CREB3L2: variants seen among roughly 807,000 people sequenced by gnomAD.
The protein encoded by CREB3L2 is cAMP responsive element binding protein 3 like 2.
CREB3L2 carries 23 observed loss-of-function variants against 57.2 expected under a neutral mutation model. The observed-to-expected ratio is 0.40, with a 90% CI of 0.29 to 0.57. The LOEUF is 0.57. CREB3L2 is among the 20% of genes least tolerant of loss of function. The pLI, the probability that CREB3L2 is intolerant of heterozygous loss-of-function variation, is 0.42. For synonymous variants in CREB3L2, 268 were observed against 265.1 expected, an observed-to-expected ratio of 1.01 and a Z score of -0.11; for missense variants, 628 against 634.7, an observed-to-expected ratio of 0.99 and a Z score of 0.11.
At position 137,951,491 on chromosome 7, in the gene CREB3L2, GGTTA is replaced by G. The variant is rs367771424; in HGVS notation, c.103-23129_103-23126del. On this transcript the variant is annotated intron_variant, in intron 1 of 11. Coordinates refer to ENST00000330387, the MANE Select transcript of CREB3L2 (RefSeq NM_194071.4). Reference sequence around the variant, plus strand: ...TCCTCTATTTCCCTTAGCAGCAAAGGGTTAGTATTTGCTAGTTCAGTGTTCACAG... The same window carrying G: ...TCCTCTATTTCCCTTAGCAGCAAAGGGTATTTGCTAGTTCAGTGTTCACAG... Among the ~76,000 whole-genome samples the G allele has an allele frequency of 1.1e-4, 17 of 152,238 alleles. No individual in the cohort carries two copies. The East Asian group carries it at 2.3e-3, about 21-fold the overall frequency.
At position 137,876,870 on chromosome 7, in the gene CREB3L2, G is replaced by A. The variant is rs1304967077; in HGVS notation, c.*3606C>T. ...TCTCTGCCCTCTCCGTGTTGGCAAG[G>A]TTGGCATGAATGGGCCATTATTCAA... On this transcript the variant is annotated 3_prime_UTR_variant, in exon 12 of 12. Coordinates refer to ENST00000330387, the MANE Select transcript of CREB3L2 (RefSeq NM_194071.4). 4.3e-6 allele frequency: 1 copy of A among 232,116 alleles called. No individual in the cohort carries two copies. Among genetic ancestry groups the A allele is most frequent in the African/African-American group, 2.2e-5 (1 of 45,278 alleles). 14.4% of individuals were successfully genotyped at this position (232,116 alleles called of 1,614,324 possible). A position where few individuals can be genotyped will look rare whatever the true frequency, so the allele number is the denominator to read the frequency against.
At chr7:137,999,956 A>C (rs1273790980) in intron 1 of CREB3L2, 2 of 152,236 alleles carry the variant, frequency 1.3e-5, no homozygotes, top group African/African-American at 2.4e-5. Context: ...AGTGTGCATA[A>C]GGTGTTAGTT....
rs1563262351 is a variant in CREB3L2 at position 137,946,912 on chromosome 7, TTATATATATAGTTA to T, written c.103-18560_103-18547del. Among the ~76,000 whole-genome samples the T allele has an allele frequency of 1.5e-4, 8 of 52,364 alleles. 1 individual carries two copies. In the East Asian group the frequency reaches 6.6e-3, roughly 43 times the overall value. The allele number at this position is 52,364 out of a possible 152,430, so 34.4% of individuals were successfully genotyped here. A position where few individuals can be genotyped will look rare whatever the true frequency, so the allele number is the denominator to read the frequency against. On this transcript the variant is annotated intron_variant, in intron 1 of 11. Coordinates refer to ENST00000330387, the MANE Select transcript of CREB3L2 (RefSeq NM_194071.4). ...GTTATATATATAGTTATATATATAG[TTATATATATAGTTA>T]TATATATAGTTATATATATAGTTAT... is the stretch of plus-strand genomic sequence containing the variant.
intron 1 of CREB3L2, among the ~76,000 whole-genome samples, chr7:137,929,523 C>G (rs1193298715): frequency 2.0e-5 from 3 of 151,982 alleles, no homozygotes. Flanking sequence ...AAAGTCACCC[C>G]TGGTTTAGAA....
chr7:137,886,846 A>G (rs1019627708), intron 8 of CREB3L2, among the ~76,000 whole-genome samples: 2 of 152,144 alleles, frequency 1.3e-5, no homozygotes, highest in Non-Finnish European at 1.5e-5. Flanking sequence ...CAGCACACAG[A>G]GCAGATGGTA....
chr7:137,884,594 T>C (rs1056260492), intron 10 of CREB3L2: 3 of 450,906 alleles, frequency 6.7e-6, no homozygotes, highest in Non-Finnish European at 1.2e-5. Flanking sequence ...CCTTACTATA[T>C]ACATTGCATT....
chr7:137,939,647 G>A (rs1800848910), intron 1 of CREB3L2, among the ~76,000 whole-genome samples: 1 of 152,220 alleles, frequency 6.6e-6, no homozygotes, highest in African/African-American at 2.4e-5. Flanking sequence ...CCATGATCAA[G>A]TCAACCGTTC....
chr7:137,882,560 C>A lies in CREB3L2; in HGVS notation c.1339G>T (p.Ala447Ser). 6.2e-7 allele frequency: 1 copy of A among 1,613,606 alleles called. No individual in the cohort carries two copies. Among genetic ancestry groups the A allele is most frequent in the Non-Finnish European group, 8.5e-7 (1 of 1,179,636 alleles). ...CTATCCCAGCCCCCCAGCTCCCCAGCCGAGCCCGGGCTGGATGACTCCTCT... is the reference window on the plus strand; with the variant it reads ...CTATCCCAGCCCCCCAGCTCCCCAGACGAGCCCGGGCTGGATGACTCCTCT... ...PPEESSSPGS[A>S]GELGGWDRGS... Residue 447 changes from alanine to serine, a missense_variant, in exon 11 of 12, where the codon GCT becomes TCT. This residue lies in a region of CREB3L2 where 272 missense variants were observed against 242.7 expected (regional missense o/e 1.12). Transcript: ENST00000330387.
intron 1 of CREB3L2, among the ~76,000 whole-genome samples, chr7:137,969,413 C>T (rs1801465011): frequency 7.0e-6 from 1 of 143,508 alleles, no homozygotes; most frequent in Non-Finnish European, 1.5e-5. Flanking sequence ...ATGGCACGAA[C>T]TCGGCTCACT....
chr7:137,951,431 G>A (rs1585652795), intron 1 of CREB3L2, among the ~76,000 whole-genome samples: 1 of 152,154 alleles, frequency 6.6e-6, no homozygotes, highest in Admixed American at 6.5e-5. Flanking sequence ...ACTGATTAGT[G>A]ATAAAAATGT....
At position 137,880,221 on chromosome 7, in the gene CREB3L2, C is replaced by T; in HGVS notation, c.*255G>A. Reference sequence around the variant, plus strand: ...AGCCTGCTTGTCCCACCTCCAACCCCTAAAATAATTTCCTATGGCAGTAAG... The same window carrying T: ...AGCCTGCTTGTCCCACCTCCAACCCTTAAAATAATTTCCTATGGCAGTAAG... On this transcript the variant is annotated 3_prime_UTR_variant, in exon 12 of 12. Transcript: ENST00000330387. This position sits in a 1 kb window ranked among gnomAD's most constrained non-coding sequence, Gnocchi z 4.0. 1.9e-6 allele frequency: 1 copy of T among 517,556 alleles called. No individual in the cohort carries two copies. Among genetic ancestry groups the T allele is most frequent in the South Asian group, 2.3e-5 (1 of 43,986 alleles). The allele number at this position is 517,556 out of a possible 1,614,324, so 32.1% of individuals were successfully genotyped here. A position where few individuals can be genotyped will look rare whatever the true frequency, so the allele number is the denominator to read the frequency against.
At chr7:137,903,355 A>G (rs1585608555) in intron 7 of CREB3L2, among the ~76,000 whole-genome samples, 1 of 152,328 alleles carries the variant, frequency 6.6e-6, no homozygotes, top group African/African-American at 2.4e-5. Context: ...TCTTAAAAAT[A>G]TCTTGGTTTG....
chr7:137,993,362 C>A (rs1801933330), intron 1 of CREB3L2, among the ~76,000 whole-genome samples: 1 of 152,202 alleles, frequency 6.6e-6, no homozygotes, highest in South Asian at 2.1e-4. Flanking sequence ...TCCACTCCCA[C>A]TGGAAACAGG....
In CREB3L2 at chr7:137,880,607, T is replaced by A; in HGVS notation, c.1488-56A>T. 2 of 1,368,002 alleles carry A rather than the reference T, an allele frequency of 1.5e-6. No individual in the cohort carries two copies. Among genetic ancestry groups the A allele is most frequent in the Non-Finnish European group, 2.1e-6 (2 of 959,100 alleles). The allele number at this position is 1,368,002 out of a possible 1,614,324, so 84.7% of individuals were successfully genotyped here. On this transcript the variant is annotated intron_variant, in intron 11 of 11. Transcript: ENST00000330387. This position sits in a 1 kb window ranked among gnomAD's most constrained non-coding sequence, Gnocchi z 4.0. ...TTAGTCACCAGCTGTTAGCTACAAT[T>A]CTCATGCTTTGTAGCGTGATGCAAT... is the stretch of plus-strand genomic sequence containing the variant.
chr7:137,887,806 T>C (rs1799454396), intron 8 of CREB3L2, among the ~76,000 whole-genome samples: 1 of 152,190 alleles, frequency 6.6e-6, no homozygotes, highest in Non-Finnish European at 1.5e-5. Context: ...TTCATTCTGT[T>C]AGTTAATATC....
At chr7:137,970,966 G>A (rs1274879795) in intron 1 of CREB3L2, among the ~76,000 whole-genome samples, 1 of 152,170 alleles carries the variant, frequency 6.6e-6, no homozygotes, top group Non-Finnish European at 1.5e-5. Context: ...CTCAGTGTGA[G>A]ATACTTAAGA....
At chr7:137,989,806 C>T (rs576094975) in intron 1 of CREB3L2, among the ~76,000 whole-genome samples, 10 of 152,294 alleles carry the variant, frequency 6.6e-5, no homozygotes, top group East Asian at 3.9e-4. Flanking sequence ...TCAAGGTCAA[C>T]GGCAACACCG....
At chr7:137,887,060 A>G (rs1053566501) in intron 8 of CREB3L2, among the ~76,000 whole-genome samples, 3 of 152,214 alleles carry the variant, frequency 2.0e-5, no homozygotes, top group Admixed American at 6.5e-5. Flanking sequence ...TTGGGTCTCA[A>G]GGATTCTCGG....
At chr7:137,981,692 A>G (rs1057375991) in intron 1 of CREB3L2, among the ~76,000 whole-genome samples, 2 of 152,248 alleles carry the variant, frequency 1.3e-5, no homozygotes, top group Non-Finnish European at 2.9e-5. Flanking sequence ...ATTTAGAGGC[A>G]GAAAAGCCAG....
Sources: gnomAD v4.1 joint callset for allele counts (sites outside exome capture counted in the v4.1 genomes callset) on GRCh38, gnomAD v4.1.1 for gene constraint, gnomAD v4.1.1 regional missense constraint, Gnocchi (gnomAD v3.1) non-coding constraint, MANE v1.5 for transcripts, NCBI Gene and HGNC (gene_info 2026-07-23, HGNC 2026-07-21) for gene names.